Variants in TTC6 observed in about 807,000 individuals in gnomAD.
TTC6 encodes the protein tetratricopeptide repeat domain 6.
A neutral mutation model predicts 210.4 loss-of-function variants in TTC6; 172 were observed. That is an observed-to-expected ratio of 0.82 (90% CI 0.72 to 0.93). The LOEUF is 0.93. Among genes scored for constraint, TTC6 ranks in the 40% least tolerant of loss-of-function variants. The pLI is 0.00. For synonymous variants in TTC6, 804 were observed against 819.6 expected, an observed-to-expected ratio of 0.98 and a Z score of 0.32; for missense variants, 2,414 against 2,318.1, an observed-to-expected ratio of 1.04 and a Z score of -0.85.
intron 5 of TTC6, among the ~76,000 whole-genome samples, chr14:37,704,303 C>G (rs926416380): frequency 3.3e-5 from 5 of 152,102 alleles, no homozygotes; most frequent in African/African-American, 1.2e-4. Context: ...GATCCTCCTG[C>G]ACCAGCCTCC....
intron 14 of TTC6, among the ~76,000 whole-genome samples, chr14:37,785,623 A>G: frequency 6.6e-6 from 1 of 151,826 alleles, no homozygotes; most frequent in East Asian, 1.9e-4. Context: ...TTTTCTCTCA[A>G]CTCGTCGAAG....
At chr14:37,770,565 C>CT (rs1209314986) in intron 14 of TTC6, among the ~76,000 whole-genome samples, 3 of 151,918 alleles carry the variant, frequency 2.0e-5, no homozygotes, top group African/African-American at 7.3e-5. Context: ...TAATGGCCTT[C>CT]TTTGTCTCTT....
intron 6 of TTC6, among the ~76,000 whole-genome samples, chr14:37,723,984 C>T (rs2095866742): frequency 6.6e-6 from 1 of 151,856 alleles, no homozygotes; most frequent in African/African-American, 2.4e-5. Context: ...GTCATGTAGC[C>T]ACAATTCCAG....
At chr14:37,699,516 C>T (rs1484444375) in intron 4 of TTC6, among the ~76,000 whole-genome samples, 1 of 152,118 alleles carries the variant, frequency 6.6e-6, no homozygotes, top group Admixed American at 6.6e-5. Context: ...GGAAGTTAGC[C>T]AAATGCAGTA....
intron 1 of TTC6, among the ~76,000 whole-genome samples, chr14:37,660,153 A>G (rs568957083): frequency 6.7e-6 from 1 of 149,918 alleles, no homozygotes; most frequent in Admixed American, 6.6e-5. Context: ...TACTTTTGGC[A>G]TTGTCATCAT....
At chr14:37,763,031 C>T (rs2139117796) in intron 14 of TTC6, among the ~76,000 whole-genome samples, 3 of 150,006 alleles carry the variant, frequency 2.0e-5, no homozygotes, top group East Asian at 2.0e-4. Flanking sequence ...ACTACAGATG[C>T]CCACCACCAC....
intron 14 of TTC6, among the ~76,000 whole-genome samples, chr14:37,761,048 G>A (rs748548473): frequency 5.3e-5 from 8 of 152,108 alleles, no homozygotes; most frequent in Non-Finnish European, 1.0e-4. Flanking sequence ...GGAGTTCCAG[G>A]TGCCACTGGG....
exon 30 of TTC6, chr14:37,841,454 T>G (rs144192109): frequency 5.3e-4 from 847 of 1,588,172 alleles, no homozygotes; most frequent in Non-Finnish European, 6.8e-4. Context: ...GGCCAGTGAC[T>G]ACTTCTCAAA....
chr14:37,796,775 C>T lies in TTC6; in HGVS notation c.3869-12C>T. ...TTGGCAAAGATATTGATAAACTTTC[C>T]TTCCCTTTTAGGTCTCAGTGAGTTG... is the stretch of plus-strand genomic sequence containing the variant. On this transcript the variant is annotated splice_polypyrimidine_tract_variant and intron_variant, in intron 19 of 30. Transcript: ENST00000553443. 6.3e-7 allele frequency: 1 copy of T among 1,588,140 alleles called. No individual in the cohort carries two copies. The highest frequency in any genetic ancestry group is 8.5e-7 in the Non-Finnish European group (1 of 1,170,800).
chr14:37,800,763 G>A (rs566432351), intron 20 of TTC6, among the ~76,000 whole-genome samples: 49 of 152,202 alleles, frequency 3.2e-4, no homozygotes, highest in African/African-American at 1.2e-3. Flanking sequence ...GAATCCCTGT[G>A]AAATCCATGG....
In TTC6 at chr14:37,806,132, A is replaced by G. The variant is rs149639793; in HGVS notation, c.4165-229A>G. Among the ~76,000 whole-genome samples the G allele has an allele frequency of 1.9e-3, 295 of 152,320 alleles. 2 individuals carry two copies. Among genetic ancestry groups the G allele is most frequent in the African/African-American group, 6.8e-3 (282 of 41,562 alleles). ...CCACCTGAAATATTGTAATCTAACA[A>G]TATGGATTATGTAGACCTAGTCTGC... On this transcript the variant is annotated intron_variant, in intron 21 of 30. Coordinates refer to ENST00000553443, the Ensembl canonical transcript of TTC6.
chr14:37,810,669 C>T (rs1417994116), intron 24 of TTC6, among the ~76,000 whole-genome samples: 6 of 152,160 alleles, frequency 3.9e-5, no homozygotes, highest in Non-Finnish European at 8.8e-5. Context: ...GCAGTGTGTC[C>T]TCCTCCCTTG....
At chr14:37,826,495 G>T (rs1380360226) in intron 28 of TTC6, 148 bp downstream of exon 30, 1 of 752,932 alleles carries the variant, frequency 1.3e-6, no homozygotes, top group Non-Finnish European at 1.9e-6. Flanking sequence ...GTGATCCCTA[G>T]GGTAAAGAGT....
chr14:37,792,263 G>T lies in TTC6; in HGVS notation c.3558-1G>T. ...GATTTCACTTTCTCATTTTTTTTTA[G>T]AACTATTACTTTGGCTTATGTAAAT... On this transcript the variant is annotated splice_acceptor_variant, in intron 16 of 30. Coordinates refer to ENST00000553443, the Ensembl canonical transcript of TTC6. LOFTEE classifies it high-confidence loss of function. The T allele has an allele frequency of 6.7e-7, 1 of 1,494,304 alleles. No individual in the cohort carries two copies. Among genetic ancestry groups the T allele is most frequent in the Admixed American group, 2.5e-5 (1 of 39,628 alleles). The allele number at this position is 1,494,304 out of a possible 1,614,324, so 92.6% of individuals were successfully genotyped here.
chr14:37,712,197 G>A (rs966459626), intron 5 of TTC6, among the ~76,000 whole-genome samples: 4 of 152,154 alleles, frequency 2.6e-5, no homozygotes, highest in African/African-American at 7.2e-5. Context: ...TTTATTTAGC[G>A]TGTTTTTGGA....
At chr14:37,646,329 A>AAAACC (rs144326134) in intron 1 of TTC6, among the ~76,000 whole-genome samples, 11,958 of 151,950 alleles carry the variant, frequency 0.079, 560 homozygotes, top group East Asian at 0.19. Context: ...AAAGTATCAG[A>AAAACC]AAACCAAACC....
At chr14:37,742,824 TC>T (rs1012663079) in intron 10 of TTC6, among the ~76,000 whole-genome samples, 4 of 152,146 alleles carry the variant, frequency 2.6e-5, no homozygotes, top group Non-Finnish European at 4.4e-5. Context: ...TACATCCATA[TC>T]CCAACCTTCA....
chr14:37,700,294 GACCT>G (rs2095822422), intron 4 of TTC6, among the ~76,000 whole-genome samples: 1 of 152,178 alleles, frequency 6.6e-6, no homozygotes, highest in Admixed American at 6.5e-5. Context: ...CTAATTTTGT[GACCT>G]ACCCAAAATA....
chr14:37,796,153 CTA>C, intron 18 of TTC6, 139 bp from the exon 21 acceptor site: 1 of 389,150 alleles, frequency 2.6e-6, no homozygotes, highest in East Asian at 4.6e-5. Context: ...TATAAAATGT[CTA>C]TAATTTTCAC....
Sources: allele counts gnomAD v4.1 joint callset (sites outside exome capture counted in the v4.1 genomes callset), GRCh38; gene constraint gnomAD v4.1.1; transcripts MANE v1.5; gene names NCBI Gene and HGNC (gene_info 2026-07-23, HGNC 2026-07-21).